Variants in PREX1 observed in about 807,000 individuals in gnomAD.
PREX1 encodes the protein phosphatidylinositol-3,4,5-trisphosphate dependent Rac exchange factor 1.
Under a neutral mutation model 198.3 loss-of-function variants are expected in PREX1, and 41 were observed. The ratio of observed to expected loss-of-function variants is 0.21; its 90% CI spans 0.16 to 0.27. The LOEUF (loss-of-function observed/expected upper bound fraction) is 0.27. Ranked by LOEUF, PREX1 falls within the 10% of genes least tolerant of loss-of-function variation. PREX1 has a pLI of 1.00. For synonymous variants in PREX1, 843 were observed against 887.2 expected, an observed-to-expected ratio of 0.95 and a Z score of 0.89; for missense variants, 1,620 against 2,200.7, an observed-to-expected ratio of 0.74 and a Z score of 5.28.
At chr20:48,880,673 T>C in the PREX1 span, among the ~76,000 whole-genome samples, 2 of 152,150 alleles carry the variant, frequency 1.3e-5, no homozygotes, top group South Asian at 2.1e-4. Context: ...AATGTAGTCC[T>C]AGCTACAAAG....
chr20:48,818,291 T>A (rs369373612), intron 1 of PREX1, among the ~76,000 whole-genome samples: 1 of 152,210 alleles, frequency 6.6e-6, no homozygotes, highest in Non-Finnish European at 1.5e-5. Flanking sequence ...AACCACCGAA[T>A]CGTACAGTTT....
intron 26 of PREX1, among the ~76,000 whole-genome samples, chr20:48,645,374 T>C (rs1440378879): frequency 6.6e-6 from 1 of 152,240 alleles, no homozygotes; most frequent in South Asian, 2.1e-4. Context: ...AGTTTTAGTC[T>C]ATTTAACCAA....
chr20:48,625,918 G>A lies in PREX1; in HGVS notation c.4947C>T (p.Arg1649=). ...CCCCATCCACCGGCGGCTGGCAGAG[G>A]CGGTAGAGGCTGGGGATGGAGGCAA... ...QMPQGAPRLY[R]LCQPPVDGDL Residue 1649 remains arginine (R), a synonymous_variant, in exon 40 of 40, where the codon CGC becomes CGT. Transcript: ENST00000371941. The A allele has an allele frequency of 1.3e-6, 2 of 1,562,372 alleles. No homozygotes were observed. Among genetic ancestry groups the A allele is most frequent in the South Asian group, 2.3e-5 (2 of 85,246 alleles).
At chr20:48,685,602 G>A (rs4809716) in intron 10 of PREX1, among the ~76,000 whole-genome samples, 25,449 of 152,238 alleles carry the variant, frequency 0.17, 2,354 homozygotes, top group Middle Eastern at 0.29. Flanking sequence ...TTGAGTCCAA[G>A]TCTAACTCAA....
the PREX1 span, among the ~76,000 whole-genome samples, chr20:48,887,631 T>C: frequency 6.8e-6 from 1 of 146,660 alleles, no homozygotes; most frequent in Non-Finnish European, 1.5e-5. Context: ...AAATAATAAA[T>C]AAACAAATAA....
At chr20:48,785,798 T>G (rs7351364) in intron 1 of PREX1, among the ~76,000 whole-genome samples, 1 of 151,756 alleles carries the variant, frequency 6.6e-6, no homozygotes, top group Non-Finnish European at 1.5e-5. Flanking sequence ...AAAAAAAAAG[T>G]GCACCAATGT....
intron 1 of PREX1, among the ~76,000 whole-genome samples, chr20:48,764,215 C>T (rs2090197638): frequency 6.6e-6 from 1 of 152,152 alleles, no homozygotes; most frequent in South Asian, 2.1e-4. Context: ...CCTTCTGATC[C>T]AACGTGAAAG....
chr20:48,645,119 C>A (rs902435051), intron 26 of PREX1, among the ~76,000 whole-genome samples: 2 of 152,238 alleles, frequency 1.3e-5, no homozygotes, highest in African/African-American at 4.8e-5. Context: ...GAGCAGCCAA[C>A]GGGGGATCAG....
intron 1 of PREX1, among the ~76,000 whole-genome samples, chr20:48,824,592 C>T (rs1309766601): frequency 6.6e-6 from 1 of 152,160 alleles, no homozygotes; most frequent in Non-Finnish European, 1.5e-5. Flanking sequence ...GTTCTAAGTG[C>T]TTTACATCAA....
the PREX1 span, among the ~76,000 whole-genome samples, chr20:48,860,833 CAA>C: frequency 2.2e-4 from 24 of 110,756 alleles, no homozygotes; most frequent in Admixed American, 4.8e-4. Flanking sequence ...GACTCTGCCT[CAA>C]AAAAAAAAAA....
In PREX1 at chr20:48,780,457, C is replaced by T. The variant is rs112846843; in HGVS notation, c.220-32577G>A. 1.2e-4 allele frequency among the ~76,000 whole-genome samples: 18 copies of T among 151,916 alleles called. 1 individual carries two copies. The highest frequency in any genetic ancestry group is 4.1e-4 in the African/African-American group (17 of 41,414). Reference sequence around the variant, plus strand: ...ACACAGCAAGACCCATCTCTACCATCTCTACAAAATAATGTTTTTTAATGT... The same window carrying T: ...ACACAGCAAGACCCATCTCTACCATTTCTACAAAATAATGTTTTTTAATGT... On this transcript the variant is annotated intron_variant, in intron 1 of 39. Transcript: ENST00000371941.
chr20:48,642,572 C>G, intron 27 of PREX1, 83 bp from the exon 28 acceptor site: 1 of 1,247,550 alleles, frequency 8.0e-7, no homozygotes, highest in Non-Finnish European at 1.1e-6. Flanking sequence ...GAGGGGGATA[C>G]AGCTACAGAA....
intron 7 of PREX1, among the ~76,000 whole-genome samples, chr20:48,698,288 C>CAG (rs377705403): frequency 7.2e-5 from 11 of 152,220 alleles, no homozygotes; most frequent in African/African-American, 2.4e-4. Context: ...CCAGAGGAGG[C>CAG]AGAGCCTGCA....
chr20:48,737,184 G>A (rs1601104887), intron 3 of PREX1, among the ~76,000 whole-genome samples: 1 of 143,730 alleles, frequency 7.0e-6, no homozygotes, highest in African/African-American at 2.6e-5. Flanking sequence ...TATTGAACAG[G>A]GTAGGGCAGT....
rs577181999 is a variant in PREX1 at position 48,727,615 on chromosome 20, G to A, written c.520-1224C>T. 9.2e-5 allele frequency among the ~76,000 whole-genome samples: 14 copies of A among 152,222 alleles called. No homozygotes were observed. In the East Asian group the frequency reaches 1.7e-3, roughly 19 times the overall value. ...CTCACAGCTTAGATCCCTGGGGTGTGAGAGGTTTAGTCTTTTACTCCAAGA... is the reference window on the plus strand; with the variant it reads ...CTCACAGCTTAGATCCCTGGGGTGTAAGAGGTTTAGTCTTTTACTCCAAGA... On this transcript the variant is annotated intron_variant, in intron 4 of 39. Coordinates refer to ENST00000371941, the MANE Select transcript of PREX1 (RefSeq NM_020820.4).
intron 1 of PREX1, among the ~76,000 whole-genome samples, chr20:48,807,899 G>C (rs941976559): frequency 2.0e-5 from 3 of 152,070 alleles, no homozygotes; most frequent in Non-Finnish European, 4.4e-5. Flanking sequence ...AGAGGGGTGT[G>C]GGGGAGCAGG....
chr20:48,771,055 T>C (rs1416760828), intron 1 of PREX1, among the ~76,000 whole-genome samples: 2 of 151,934 alleles, frequency 1.3e-5, no homozygotes, highest in African/African-American at 4.8e-5. Context: ...AATAAAGTCA[T>C]AGGAAGAAAA....
At chr20:48,762,019 C>T (rs1413439450) in intron 1 of PREX1, among the ~76,000 whole-genome samples, 1 of 152,256 alleles carries the variant, frequency 6.6e-6, no homozygotes, top group African/African-American at 2.4e-5. Flanking sequence ...ACCCAACCCA[C>T]TGCTGCGCCC....
chr20:48,664,260 A>C (rs2089618407), intron 15 of PREX1, among the ~76,000 whole-genome samples: 2 of 152,076 alleles, frequency 1.3e-5, no homozygotes, highest in African/African-American at 4.8e-5. Flanking sequence ...CTGCGGTCCC[A>C]GCTACTCGGG....
Sources: gnomAD v4.1 joint callset for allele counts (sites outside exome capture counted in the v4.1 genomes callset) on GRCh38, gnomAD v4.1.1 for gene constraint, MANE v1.5 for transcripts, NCBI Gene and HGNC (gene_info 2026-07-23, HGNC 2026-07-21) for gene names.